Variants in DCAF5 observed in about 807,000 individuals in gnomAD.
DCAF5 encodes DDB1- and CUL4-associated factor 5.
DCAF5 carries 9 observed loss-of-function variants against 80.7 expected under a neutral mutation model. The observed-to-expected ratio is 0.11, with a 90% CI of 0.07 to 0.19. The LOEUF (loss-of-function observed/expected upper bound fraction) is 0.19. Ranked by LOEUF, DCAF5 falls within the 10% of genes least tolerant of loss-of-function variation. DCAF5 has a pLI of 1.00. For missense variants in DCAF5, 842 were observed against 1,205.7 expected (o/e 0.70, Z 4.47); for synonymous variants, 433 against 461.9 (o/e 0.94, Z 0.80).
At chr14:69,138,415 C>T (rs2041258201) in intron 1 of DCAF5, among the ~76,000 whole-genome samples, 1 of 152,192 alleles carries the variant, frequency 6.6e-6, no homozygotes, top group Non-Finnish European at 1.5e-5. Context: ...TTGGCCTCCA[C>T]CCTGGAAAAT....
intron 6 of DCAF5, chr14:69,090,200 G>C (rs1594977355): frequency 2.3e-4 from 159 of 698,048 alleles, no homozygotes; most frequent in South Asian, 4.5e-4. Flanking sequence ...GAGAGGGAGA[G>C]ACTTGATTGT....
chr14:69,143,674 T>C (rs543428664), intron 1 of DCAF5, among the ~76,000 whole-genome samples: 1 of 148,676 alleles, frequency 6.7e-6, no homozygotes, highest in Admixed American at 6.9e-5. Context: ...TGTGAAACAA[T>C]GACAGTTACA....
intron 1 of DCAF5, among the ~76,000 whole-genome samples, chr14:69,145,042 C>CATA (rs1441614928): frequency 1.3e-5 from 2 of 152,172 alleles, no homozygotes; most frequent in African/African-American, 4.8e-5. Context: ...GCCATATCAA[C>CATA]ATAACACTTT....
At chr14:69,085,043 G>C (rs1240079099) in intron 6 of DCAF5, 1 of 1,278,830 alleles carries the variant, frequency 7.8e-7, no homozygotes, top group African/African-American at 1.5e-5. Flanking sequence ...ACTTTTCCTG[G>C]TCTAAAATTT....
intron 5 of DCAF5, among the ~76,000 whole-genome samples, chr14:69,095,809 G>A (rs2039688586): frequency 6.6e-6 from 1 of 152,088 alleles, no homozygotes; most frequent in African/African-American, 2.4e-5. Context: ...ACACCTGGTG[G>A]TACCAACAAG....
rs191257142 is a variant in DCAF5 at position 69,142,981 on chromosome 14, A to G, written c.214+9784T>C. 2.4e-3 allele frequency among the ~76,000 whole-genome samples: 359 copies of G among 152,346 alleles called. 1 individual carries two copies. Among genetic ancestry groups the G allele is most frequent in the Non-Finnish European group, 4.5e-3 (309 of 68,020 alleles). On this transcript the variant is annotated intron_variant, in intron 1 of 8. Coordinates refer to ENST00000341516, the MANE Select transcript of DCAF5 (RefSeq NM_003861.3). ...GTTAAACCCAGTGGGAGTTAGTCACATGGTTACGTATGGAATACACAGAGT... is the reference window on the plus strand; with the variant it reads ...GTTAAACCCAGTGGGAGTTAGTCACGTGGTTACGTATGGAATACACAGAGT...
Position 69,118,260 on chromosome 14 carries a change from C to T in DCAF5, c.414G>A (p.Val138=). Residue 138 remains valine, a synonymous_variant, in exon 4 of 9, where the codon GTG becomes GTA. Transcript: ENST00000341516. This position sits in a 1 kb window ranked among gnomAD's most constrained non-coding sequence, Gnocchi z 4.0. The part of the protein sequence containing the change: ...HDVESSETLD[V]FAHEDAVYGL... ...CATATACTGCATCTTCATGAGCAAACACGTCCAATGTCTCACTGCTGGGAG... is the reference window on the plus strand; with the variant it reads ...CATATACTGCATCTTCATGAGCAAATACGTCCAATGTCTCACTGCTGGGAG... 6.2e-7 allele frequency: 1 copy of T among 1,613,798 alleles called. No homozygotes were observed. The highest frequency in any genetic ancestry group is 8.5e-7 in the Non-Finnish European group (1 of 1,179,830).
intron 1 of DCAF5, among the ~76,000 whole-genome samples, chr14:69,130,391 A>G (rs1262387567): frequency 6.6e-6 from 1 of 152,244 alleles, no homozygotes; most frequent in Non-Finnish European, 1.5e-5. Context: ...CAAATCAGAG[A>G]CAAAGTAGAA....
chr14:69,105,943 ATATC>A (rs1186456968), intron 5 of DCAF5, among the ~76,000 whole-genome samples: 3 of 74,170 alleles, frequency 4.0e-5, no homozygotes, highest in African/African-American at 3.8e-5. Context: ...ATATATATAT[ATATC>A]TCCTATTGGT....
chr14:69,115,323 C>T (rs1474492470), intron 5 of DCAF5, among the ~76,000 whole-genome samples: 2 of 152,176 alleles, frequency 1.3e-5, no homozygotes, highest in African/African-American at 2.4e-5. Flanking sequence ...GGACACACCT[C>T]TGGGCTACAC....
At position 69,118,115 on chromosome 14, in the gene DCAF5, C is replaced by A. The variant is rs2040596691; in HGVS notation, c.535+24G>T. The A allele has an allele frequency of 6.2e-7, 1 of 1,613,356 alleles. No homozygotes were observed. Among genetic ancestry groups the A allele is most frequent in the Non-Finnish European group, 8.5e-7 (1 of 1,179,484 alleles). ...CATCAAACTGTTCAACACAGTCCAA[C>A]AGTCATTTGCACAGTGAGCCTACCT... On this transcript the variant is annotated intron_variant, in intron 4 of 8. Transcript: ENST00000341516. The surrounding 1 kb of genome is among the most constrained non-coding windows in gnomAD (Gnocchi z 4.0).
chr14:69,095,952 TAG>T (rs895043014), intron 5 of DCAF5, among the ~76,000 whole-genome samples: 1 of 152,082 alleles, frequency 6.6e-6, no homozygotes, highest in Non-Finnish European at 1.5e-5. Flanking sequence ...GTATCCCAAG[TAG>T]AGAGAGAAAA....
chr14:69,089,823 G>A, intron 6 of DCAF5: 1 of 611,726 alleles, frequency 1.6e-6, no homozygotes, highest in Non-Finnish European at 2.0e-6. Context: ...CCGGCTTCTA[G>A]TAGGAAGAGG....
intron 1 of DCAF5, among the ~76,000 whole-genome samples, chr14:69,141,318 T>C (rs2041366697): frequency 6.7e-6 from 1 of 150,326 alleles, no homozygotes; most frequent in Non-Finnish European, 1.5e-5. Context: ...CAGGTGACCA[T>C]ATAACTTATC....
chr14:69,054,600 T>A lies in DCAF5; in HGVS notation c.2086A>T (p.Thr696Ser). The change falls in exon 9 of 9, where the codon ACC (threonine) becomes TCC (serine). Residue 696 changes from threonine (T) to serine (S), a missense_variant. This residue lies in a region of DCAF5 where 607 missense variants were observed against 656.6 expected (regional missense o/e 0.92). Coordinates refer to ENST00000341516, the MANE Select transcript of DCAF5 (RefSeq NM_003861.3). ...TGEADEGRAG[T>S]SHKDNPAPSS... ...GGGGCTGGGTTGTCTTTGTGGCTGG[T>A]TCCTGCTCTCCCTTCATCTGCCTCC... 6.2e-7 allele frequency: 1 copy of A among 1,613,782 alleles called. No individual in the cohort carries two copies. The highest frequency in any genetic ancestry group is 8.5e-7 in the Non-Finnish European group (1 of 1,179,984).
chr14:69,078,309 G>A (rs1308271117), intron 6 of DCAF5, among the ~76,000 whole-genome samples: 1 of 152,134 alleles, frequency 6.6e-6, no homozygotes, highest in Non-Finnish European at 1.5e-5. Context: ...CTGATCATTA[G>A]GGAAATGCAA....
chr14:69,146,888 C>A (rs964911801), intron 1 of DCAF5, among the ~76,000 whole-genome samples: 2 of 152,152 alleles, frequency 1.3e-5, no homozygotes, highest in Non-Finnish European at 2.9e-5. Flanking sequence ...ACTATGAAAG[C>A]TTTTCAAAGA....
intron 1 of DCAF5, among the ~76,000 whole-genome samples, chr14:69,122,771 A>G (rs963975482): frequency 6.6e-6 from 1 of 152,172 alleles, no homozygotes; most frequent in African/African-American, 2.4e-5. Flanking sequence ...TTAAAGTAAT[A>G]TTTCTAGCAT....
chr14:69,119,106 C>A (rs1420445937), intron 3 of DCAF5, 88 bp downstream of exon 3: 3 of 1,364,656 alleles, frequency 2.2e-6, no homozygotes, highest in Admixed American at 5.0e-5. Flanking sequence ...TTTCAAAAAA[C>A]AAAAACTATT....
Sources: allele counts gnomAD v4.1 joint callset (sites outside exome capture counted in the v4.1 genomes callset), GRCh38; gene constraint gnomAD v4.1.1; regional missense constraint gnomAD v4.1.1; non-coding constraint Gnocchi (gnomAD v3.1); transcripts MANE v1.5; gene names NCBI Gene and HGNC (gene_info 2026-07-23, HGNC 2026-07-21).